CCDC7: variants seen among roughly 807,000 people sequenced by gnomAD.
CCDC7 encodes the protein coiled-coil domain containing 7, also known as coiled-coil domain-containing protein 7.
CCDC7 carries 183 observed loss-of-function variants against 196.9 expected under a neutral mutation model. That is an observed-to-expected ratio of 0.93 (90% CI 0.82 to 1.05). The LOEUF is 1.05. Among genes scored for constraint, CCDC7 ranks in the 50% least tolerant of loss-of-function variants. The pLI is 0.00. For missense variants in CCDC7, 1,540 were observed against 1,482.2 expected, an observed-to-expected ratio of 1.04 and a Z score of -0.64; for synonymous variants, 525 against 484.6, an observed-to-expected ratio of 1.08 and a Z score of -1.10.
intron 5 of CCDC7, among the ~76,000 whole-genome samples, chr10:32,466,101 T>C (rs2505381): frequency 0.84 from 127,076 of 152,098 alleles, 53,680 homozygotes; most frequent in Non-Finnish European, 0.9. Flanking sequence ...CCAGGAGGAA[T>C]CCCCACTGCA....
intron 25 of CCDC7, among the ~76,000 whole-genome samples, chr10:32,726,257 A>G (rs2083100819): frequency 6.6e-6 from 1 of 152,000 alleles, no homozygotes; most frequent in Non-Finnish European, 1.5e-5. Context: ...TTTACATAAT[A>G]TGTATAGAAT....
intron 41 of CCDC7, among the ~76,000 whole-genome samples, chr10:32,865,907 A>G (rs1392440247): frequency 6.6e-6 from 1 of 151,822 alleles, no homozygotes; most frequent in Non-Finnish European, 1.5e-5. Flanking sequence ...TGGAGAGAGG[A>G]ATGAGTAGAT....
intron 38 of CCDC7, among the ~76,000 whole-genome samples, chr10:32,848,374 T>C (rs2093401975): frequency 6.6e-6 from 1 of 151,858 alleles, no homozygotes; most frequent in African/African-American, 2.4e-5. Context: ...GGGATAAAGG[T>C]TGAAATTAAG....
chr10:32,741,808 T>G (rs948790854), intron 28 of CCDC7, among the ~76,000 whole-genome samples: 1 of 152,194 alleles, frequency 6.6e-6, no homozygotes. Flanking sequence ...TCTCTATTAC[T>G]CTGTGTGATT....
chr10:32,535,165 A>T (rs1267829359), intron 11 of CCDC7, among the ~76,000 whole-genome samples: 1 of 151,354 alleles, frequency 6.6e-6, no homozygotes, highest in Non-Finnish European at 1.5e-5. Context: ...TCCCATCCTT[A>T]TATTTATGTT....
At chr10:32,711,149 TAC>T (rs983535643) in intron 24 of CCDC7, among the ~76,000 whole-genome samples, 141 of 143,612 alleles carry the variant, frequency 9.8e-4, no homozygotes, top group African/African-American at 3.6e-3. Flanking sequence ...AATATATATA[TAC>T]ATACACACAT....
At chr10:32,728,814 A>T in intron 26 of CCDC7, 73 bp from the exon 28 acceptor site, 1 of 735,906 alleles carries the variant, frequency 1.4e-6, no homozygotes, top group Non-Finnish European at 2.1e-6. Flanking sequence ...TATAAAAATA[A>T]GAGAAATGTA....
At chr10:32,566,095 T>C (rs1044385216) in intron 14 of CCDC7, among the ~76,000 whole-genome samples, 2 of 152,098 alleles carry the variant, frequency 1.3e-5, no homozygotes, top group Non-Finnish European at 2.9e-5. Context: ...CAAAAGTGTA[T>C]TTGTGTATTA....
chr10:32,705,386 G>T (rs557576213), intron 24 of CCDC7, among the ~76,000 whole-genome samples: 3 of 151,960 alleles, frequency 2.0e-5, no homozygotes, highest in Non-Finnish European at 2.9e-5. Flanking sequence ...AAAGACCATC[G>T]ATGCTAGGAA....
downstream of CCDC7, chr10:32,876,452 G>C: frequency 6.8e-7 from 1 of 1,480,060 alleles, no homozygotes; most frequent in South Asian, 1.2e-5. Context: ...TGCAGGAAAG[G>C]AAATTGCAAG....
chr10:32,862,114 C>G (rs2094011929), intron 41 of CCDC7, among the ~76,000 whole-genome samples: 1 of 152,146 alleles, frequency 6.6e-6, no homozygotes, highest in Non-Finnish European at 1.5e-5. Context: ...GACACATGCA[C>G]ATGTATGTTT....
chr10:32,757,203 A>G (rs1015828117), intron 28 of CCDC7, among the ~76,000 whole-genome samples: 3 of 152,168 alleles, frequency 2.0e-5, no homozygotes, highest in Admixed American at 6.5e-5. Context: ...TGAGACAGAA[A>G]GTTGACAAGG....
At chr10:32,461,018 A>C (rs2035514338) in intron 3 of CCDC7, among the ~76,000 whole-genome samples, 2 of 152,158 alleles carry the variant, frequency 1.3e-5, no homozygotes, top group South Asian at 4.1e-4. Context: ...CCCTGAATGC[A>C]CGTAGTAACA....
chr10:32,732,481 GTTTAT>G (rs2084154227), intron 28 of CCDC7, among the ~76,000 whole-genome samples: 1 of 152,048 alleles, frequency 6.6e-6, no homozygotes, highest in Non-Finnish European at 1.5e-5. Context: ...CTGAGGTTCT[GTTTAT>G]TTTATCATTT....
intron 18 of CCDC7, among the ~76,000 whole-genome samples, chr10:32,632,489 G>C (rs549724270): frequency 6.6e-6 from 1 of 150,728 alleles, no homozygotes; most frequent in East Asian, 1.9e-4. Flanking sequence ...TATTCTTTCT[G>C]CTTACTTTAA....
At chr10:32,653,743 C>T (rs1179658603) in intron 20 of CCDC7, among the ~76,000 whole-genome samples, 1 of 152,162 alleles carries the variant, frequency 6.6e-6, no homozygotes, top group Non-Finnish European at 1.5e-5. Flanking sequence ...TCTCAAATTA[C>T]AAATGTTGCA....
rs570613733 is a variant in CCDC7, at chr10:32,746,164, G to A, written c.2905+16707G>A. Among the ~76,000 whole-genome samples the A allele has an allele frequency of 1.2e-4, 18 of 152,238 alleles. No homozygotes were observed. The South Asian group carries it at 3.7e-3, about 32-fold the overall frequency. On this transcript the variant is annotated intron_variant, in intron 28 of 41. Transcript: ENST00000639629. ...CATGTCTTTGGAAGGACGGCATTGA[G>A]AGTGGACAGAGGGAGGATGTAGACC...
intron 11 of CCDC7, among the ~76,000 whole-genome samples, chr10:32,522,838 A>T (rs1313950616): frequency 6.6e-6 from 1 of 152,060 alleles, no homozygotes; most frequent in South Asian, 2.1e-4. Context: ...GCTGTATCCC[A>T]TAGGTTTTGG....
intron 18 of CCDC7, among the ~76,000 whole-genome samples, chr10:32,607,687 TG>T (rs2061681888): frequency 6.6e-6 from 1 of 152,234 alleles, no homozygotes; most frequent in Non-Finnish European, 1.5e-5. Context: ...CACTTGATCA[TG>T]GTGAATTAAC....
Sources: gnomAD v4.1 joint callset for allele counts (sites outside exome capture counted in the v4.1 genomes callset) on GRCh38, gnomAD v4.1.1 for gene constraint, MANE v1.5 for transcripts, NCBI Gene and HGNC (gene_info 2026-07-23, HGNC 2026-07-21) for gene names.